The following CCDC73 variants were observed in gnomAD, a reference collection of about 807,000 sequenced individuals.
CCDC73 encodes the protein coiled-coil domain containing 73.
CCDC73 carries 95 observed loss-of-function variants against 116.5 expected under a neutral mutation model. That is an observed-to-expected ratio of 0.82 (90% confidence interval 0.69 to 0.97). The LOEUF is 0.97. CCDC73 is among the 50% of genes least tolerant of loss of function. The pLI is 0.00. For synonymous variants in CCDC73, 398 were observed against 401.3 expected (o/e 0.99, Z 0.10); for missense variants, 1,066 against 1,206.8 (o/e 0.88, Z 1.73).
At chr11:32,613,282 A>G (rs1364092133) in intron 16 of CCDC73, 140 bp downstream of exon 16, 1 of 730,942 alleles carries the variant, frequency 1.4e-6, no homozygotes, top group African/African-American at 1.8e-5. Context: ...TAAAAGTTAA[A>G]AACAAAAGAA....
chr11:32,654,331 G>A (rs140744775), intron 10 of CCDC73, among the ~76,000 whole-genome samples: 10 of 152,146 alleles, frequency 6.6e-5, no homozygotes, highest in Non-Finnish European at 1.3e-4. Flanking sequence ...CCACCATTAC[G>A]CACAGCTAAT....
At chr11:32,721,973 T>C (rs556881670) in intron 2 of CCDC73, among the ~76,000 whole-genome samples, 5 of 152,308 alleles carry the variant, frequency 3.3e-5, no homozygotes, top group African/African-American at 9.6e-5. Context: ...TACTCAAAGA[T>C]AGACTTTCAT....
intron 13 of CCDC73, among the ~76,000 whole-genome samples, chr11:32,636,735 A>G (rs532329686): frequency 6.6e-6 from 1 of 151,890 alleles, no homozygotes; most frequent in East Asian, 1.9e-4. Flanking sequence ...GTAGGTGTAA[A>G]CTCATGTTAC....
intron 5 of CCDC73, among the ~76,000 whole-genome samples, chr11:32,700,197 G>A: frequency 6.6e-6 from 1 of 151,816 alleles, no homozygotes; most frequent in Middle Eastern, 3.4e-3. Flanking sequence ...TAAAAATATG[G>A]GAGAATTTTT....
chr11:32,622,389 C>T (rs1855529831), intron 14 of CCDC73, among the ~76,000 whole-genome samples: 1 of 152,042 alleles, frequency 6.6e-6, no homozygotes. Flanking sequence ...AGCCATCATC[C>T]TCAGCAAACT....
intron 6 of CCDC73, among the ~76,000 whole-genome samples, chr11:32,698,859 T>C (rs553873879): frequency 2.6e-5 from 4 of 152,298 alleles, no homozygotes; most frequent in African/African-American, 9.6e-5. Context: ...AAGGTAATGT[T>C]TTCTTAGTTT....
At chr11:32,617,137 T>C (rs572261330) in intron 14 of CCDC73, among the ~76,000 whole-genome samples, 1 of 152,090 alleles carries the variant, frequency 6.6e-6, no homozygotes, top group Non-Finnish European at 1.5e-5. Context: ...TAAATGAGGC[T>C]TGAGGTAAGC....
At chr11:32,604,531 T>C (rs1473353817) in intron 17 of CCDC73, 3 of 152,234 alleles carry the variant, frequency 2.0e-5, no homozygotes, top group African/African-American at 7.2e-5. Context: ...CTGGTCTCTT[T>C]TCTGTATACA....
chr11:32,715,122 G>A lies in CCDC73; in HGVS notation c.207+2954C>T, dbSNP rs575598207. ...AGGCTTTTGTTCTTTATTTTCTGAG[G>A]TACTTTCTTTCCCCTTTCTTAATCC... On this transcript the variant is annotated intron_variant, in intron 3 of 17. Transcript: ENST00000335185. Among the ~76,000 whole-genome samples, 5 of 152,174 alleles carry A rather than the reference G, an allele frequency of 3.3e-5. No homozygotes were observed. In the South Asian group the frequency reaches 8.3e-4, roughly 25 times the overall value.
At chr11:32,805,411 T>G in the CCDC73 span, among the ~76,000 whole-genome samples, 2 of 152,196 alleles carry the variant, frequency 1.3e-5, no homozygotes, top group African/African-American at 4.8e-5. Context: ...GTGACATTAA[T>G]AAGCATTCCA....
At chr11:32,804,119 T>C in the CCDC73 span, among the ~76,000 whole-genome samples, 985 of 151,752 alleles carry the variant, frequency 6.5e-3, 15 homozygotes, top group African/African-American at 0.022. Flanking sequence ...CTAAACCTGG[T>C]ATTCTTGTCA....
At chr11:32,690,284 C>T (rs1399089212) in intron 6 of CCDC73, among the ~76,000 whole-genome samples, 1 of 152,038 alleles carries the variant, frequency 6.6e-6, no homozygotes, top group African/African-American at 2.4e-5. Flanking sequence ...ATTTAGAAAG[C>T]TGTAGGACTG....
At chr11:32,789,922 G>A (rs948443166) in intron 1 of CCDC73, among the ~76,000 whole-genome samples, 8 of 152,198 alleles carry the variant, frequency 5.3e-5, no homozygotes, top group Non-Finnish European at 1.0e-4. Context: ...CAGTCAGCCT[G>A]AGGAAGGTGA....
the CCDC73 span, among the ~76,000 whole-genome samples, chr11:32,808,437 G>C: frequency 6.6e-6 from 1 of 152,162 alleles, no homozygotes; most frequent in Admixed American, 6.6e-5. Flanking sequence ...TCAGGAGTTT[G>C]AGACCAGTCT....
At chr11:32,794,519 G>A (rs542282236) in intron 1 of CCDC73, 94 bp downstream of exon 1, 1 of 152,550 alleles carries the variant, frequency 6.6e-6, no homozygotes, top group South Asian at 2.1e-4. Flanking sequence ...CGCAGCTGGA[G>A]GTGCAGGGCA....
chr11:32,757,361 G>A (rs1308857418), intron 2 of CCDC73, among the ~76,000 whole-genome samples: 1 of 151,996 alleles, frequency 6.6e-6, no homozygotes, highest in African/African-American at 2.4e-5. Flanking sequence ...TTAAAATCCA[G>A]TTAATAATAT....
chr11:32,626,863 T>C (rs1855578808), intron 14 of CCDC73, among the ~76,000 whole-genome samples: 1 of 152,122 alleles, frequency 6.6e-6, no homozygotes, highest in Non-Finnish European at 1.5e-5. Flanking sequence ...CCTAAAACCA[T>C]AAAAACTCTA....
At chr11:32,613,352 G>T in intron 16 of CCDC73, 70 bp downstream of exon 16, 2 of 1,258,488 alleles carry the variant, frequency 1.6e-6, no homozygotes, top group South Asian at 1.5e-5. Flanking sequence ...TACAAAATAT[G>T]ACTGTACACA....
chr11:32,745,740 T>TTTG lies in CCDC73; in HGVS notation c.135+14368_135+14369insCAA, dbSNP rs569298044. 2.2e-3 allele frequency among the ~76,000 whole-genome samples: 163 copies of TTTG among 75,662 alleles called. 2 individuals are homozygous for TTTG. The East Asian group carries it at 0.037, about 17-fold the overall frequency. The allele number at this position is 75,662 out of a possible 152,430, so 49.6% of individuals were successfully genotyped here. ...TTTTGTTTTTTTGTTTGTTTGTTTG[T>TTTG]TTTGGTTTTTTTTTTTTTTTTGCTT... On this transcript the variant is annotated intron_variant, in intron 2 of 17. Transcript: ENST00000335185.
Sources: gnomAD v4.1 joint callset for allele counts (sites outside exome capture counted in the v4.1 genomes callset) on GRCh38, gnomAD v4.1.1 for gene constraint, MANE v1.5 for transcripts, NCBI Gene and HGNC (gene_info 2026-07-23, HGNC 2026-07-21) for gene names.